Variants in PCLAF observed in about 807,000 individuals in gnomAD.
The protein encoded by PCLAF is PCNA clamp associated factor, also known as PCNA-associated factor.
Under a neutral mutation model 15.1 loss-of-function variants are expected in PCLAF, and 12 were observed. The observed-to-expected ratio is 0.79, with a 90% CI of 0.51 to 1.29. The LOEUF (loss-of-function observed/expected upper bound fraction) is 1.29. Ranked by LOEUF, PCLAF falls within the 50% of genes most tolerant of loss-of-function variation. The pLI is 0.00. For synonymous variants in PCLAF, 33 were observed against 47.1 expected (o/e 0.70, Z 1.22); for missense variants, 116 against 130.9 (o/e 0.89, Z 0.56).
At chr15:64,372,857 G>T (rs1899399347) in intron 3 of PCLAF, among the ~76,000 whole-genome samples, 1 of 151,184 alleles carries the variant, frequency 6.6e-6, no homozygotes, top group Non-Finnish European at 1.5e-5. Flanking sequence ...TGTAATCCCA[G>T]TTACTCAAGA....
chr15:64,383,369 G>GT (rs1461177241), upstream of PCLAF, among the ~76,000 whole-genome samples: 1 of 148,496 alleles, frequency 6.7e-6, no homozygotes, highest in African/African-American at 2.5e-5. Context: ...TTTTGTGTGT[G>GT]TGTTTTTTTT....
rs1470890689 is a variant in PCLAF, at chr15:64,364,818, C to G, written c.*1212G>C. The G allele has an allele frequency of 6.6e-6, 1 of 150,952 alleles. No individual in the cohort carries two copies. Among genetic ancestry groups the G allele is most frequent in the African/African-American group, 2.4e-5 (1 of 41,048 alleles). 9.4% of individuals were successfully genotyped at this position (150,952 alleles called of 1,614,324 possible). A position where few individuals can be genotyped will look rare whatever the true frequency, so the allele number is the denominator to read the frequency against. On this transcript the variant is annotated 3_prime_UTR_variant, in exon 4 of 4. Transcript: ENST00000300035. Reference sequence around the variant, plus strand: ...TCTCCTGCCTCAGCCTCCTGAGTAGCTGGGATTACAGGCATGTGCCACCAT... The same window carrying G: ...TCTCCTGCCTCAGCCTCCTGAGTAGGTGGGATTACAGGCATGTGCCACCAT...
At chr15:64,369,898 G>T (rs1364561553) in intron 3 of PCLAF, among the ~76,000 whole-genome samples, 1 of 151,866 alleles carries the variant, frequency 6.6e-6, no homozygotes, top group Non-Finnish European at 1.5e-5. Flanking sequence ...GAAGCAAAAG[G>T]GACTGTTCAG....
In PCLAF at chr15:64,366,039, T is replaced by C. The variant is rs1876101676; in HGVS notation, c.327A>G (p.Glu109=). Residue 109 remains glutamate (E), a synonymous_variant, in exon 4 of 4, where the codon GAA becomes GAG. Coordinates refer to ENST00000300035, the MANE Select transcript of PCLAF (RefSeq NM_014736.6). ...CPLQPDHTND[E]KE is the part of the protein sequence containing the mutation. ...GATGAATGAGAAAGTTCTATTCTTT[T>C]TCATCATTTGTGTGATCAGGTTGCA... 1.2e-6 allele frequency: 2 copies of C among 1,610,694 alleles called. No individual in the cohort carries two copies. Among genetic ancestry groups the C allele is most frequent in the African/African-American group, 1.3e-5 (1 of 74,982 alleles).
At chr15:64,383,148 G>T (rs1158159993), upstream of PCLAF, among the ~76,000 whole-genome samples, 1 of 152,174 alleles carries the variant, frequency 6.6e-6, no homozygotes, top group Non-Finnish European at 1.5e-5. Context: ...TACTTTAACA[G>T]AATCAACAAC....
intron 3 of PCLAF, among the ~76,000 whole-genome samples, chr15:64,374,044 G>A (rs1187878419): frequency 1.3e-5 from 2 of 151,200 alleles, no homozygotes; most frequent in African/African-American, 2.4e-5. Flanking sequence ...CAAATTTTTT[G>A]TTAAAAGTTG....
intron 3 of PCLAF, among the ~76,000 whole-genome samples, chr15:64,367,580 G>A (rs1038368668): frequency 1.3e-5 from 2 of 151,472 alleles, no homozygotes; most frequent in East Asian, 1.9e-4. Flanking sequence ...ACGGAGTCTC[G>A]CTCTGTCGCC....
upstream of PCLAF, among the ~76,000 whole-genome samples, chr15:64,381,975 A>T (rs1899835652): frequency 6.6e-6 from 1 of 152,190 alleles, no homozygotes; most frequent in South Asian, 2.1e-4. Flanking sequence ...GGGTTTTTTT[A>T]AATGTCTTTA....
chr15:64,380,266 C>T (rs1241997763), intron 2 of PCLAF, among the ~76,000 whole-genome samples: 1 of 151,856 alleles, frequency 6.6e-6, no homozygotes, highest in African/African-American at 2.4e-5. Flanking sequence ...ACCTGTAATC[C>T]CAGCTACTCA....
At chr15:64,380,206 C>G (rs936625257) in intron 2 of PCLAF, among the ~76,000 whole-genome samples, 2 of 151,834 alleles carry the variant, frequency 1.3e-5, no homozygotes, top group Non-Finnish European at 2.9e-5. Context: ...CATAGTGAAA[C>G]CCCATCTCTA....
chr15:64,380,074 G>T (rs961433650), intron 2 of PCLAF, among the ~76,000 whole-genome samples: 1 of 152,108 alleles, frequency 6.6e-6, no homozygotes, highest in Non-Finnish European at 1.5e-5. Context: ...TATTTAAATA[G>T]CCTCTGTTAT....
At chr15:64,385,450 A>C (rs1899915135), upstream of PCLAF, among the ~76,000 whole-genome samples, 1 of 151,668 alleles carries the variant, frequency 6.6e-6, no homozygotes, top group Non-Finnish European at 1.5e-5. Context: ...ACATGGAGAA[A>C]CCCCATCTCT....
chr15:64,382,160 G>A (rs972897144), upstream of PCLAF, among the ~76,000 whole-genome samples: 1 of 152,178 alleles, frequency 6.6e-6, no homozygotes, highest in Admixed American at 6.6e-5. Flanking sequence ...AGAGGCCGAG[G>A]CGGGCAGATC....
chr15:64,378,517 C>T (rs1405181032), intron 2 of PCLAF, among the ~76,000 whole-genome samples: 2 of 152,154 alleles, frequency 1.3e-5, no homozygotes, highest in Admixed American at 6.6e-5. Context: ...GCAACCGTCC[C>T]GCCTTCGCCT....
At chr15:64,372,330 C>G (rs1899357833) in intron 3 of PCLAF, among the ~76,000 whole-genome samples, 1 of 152,066 alleles carries the variant, frequency 6.6e-6, no homozygotes. Context: ...AAGTAAAATG[C>G]AGGGCTGGGT....
chr15:64,386,605 G>A (rs893712653), intron 1 of PCLAF, among the ~76,000 whole-genome samples: 9 of 151,824 alleles, frequency 5.9e-5, no homozygotes, highest in Admixed American at 3.3e-4. Context: ...TTACAGGCAT[G>A]AGCCACCACG....
Position 64,365,423 on chromosome 15 carries a change from C to A in PCLAF, c.*607G>T. ...CCACTGTGCCCACCATGATTCTATC[C>A]TAGTATTTTATCTTTTTTCTTGTTG... is the stretch of plus-strand genomic sequence containing the variant. On this transcript the variant is annotated 3_prime_UTR_variant, in exon 4 of 4. Coordinates refer to ENST00000300035, the MANE Select transcript of PCLAF (RefSeq NM_014736.6). 6.5e-6 allele frequency: 1 copy of A among 153,426 alleles called. No individual in the cohort carries two copies. The highest frequency in any genetic ancestry group is 1.5e-5 in the Non-Finnish European group (1 of 68,908). 9.5% of individuals were successfully genotyped at this position (153,426 alleles called of 1,614,324 possible). A position where few individuals can be genotyped will look rare whatever the true frequency, so the allele number is the denominator to read the frequency against.
intron 3 of PCLAF, among the ~76,000 whole-genome samples, chr15:64,373,000 C>G (rs1330159235): frequency 6.6e-6 from 1 of 152,080 alleles, no homozygotes; most frequent in Non-Finnish European, 1.5e-5. Context: ...GTTAAGTGCC[C>G]AAGAGAAGAG....
In PCLAF at chr15:64,380,995, G is replaced by T; in HGVS notation, c.90C>A (p.Thr30=). The T allele has an allele frequency of 6.2e-7, 1 of 1,614,120 alleles. No individual in the cohort carries two copies. Among genetic ancestry groups the T allele is most frequent in the Non-Finnish European group, 8.5e-7 (1 of 1,180,026 alleles). Residue 30 remains threonine, a synonymous_variant, in exon 2 of 4, where the codon ACC becomes ACA. Transcript: ENST00000300035. Reference sequence around the variant, plus strand: ...AAACTGATGTCGAATTAGTGGCAGAGGTGGAAGAACCAAGCACCTTTCTGG... The same window carrying T: ...AAACTGATGTCGAATTAGTGGCAGATGTGGAAGAACCAAGCACCTTTCTGG... ...RAPRKVLGSS[T]SATNSTSVSS...
Sources: allele counts gnomAD v4.1 joint callset (sites outside exome capture counted in the v4.1 genomes callset), GRCh38; gene constraint gnomAD v4.1.1; transcripts MANE v1.5; gene names NCBI Gene and HGNC (gene_info 2026-07-23, HGNC 2026-07-21).